LYZL1: variants seen among roughly 807,000 people sequenced by gnomAD.
The protein encoded by LYZL1 is lysozyme like 1.
Under a neutral mutation model 17.9 loss-of-function variants are expected in LYZL1, and 16 were observed. The ratio of observed to expected loss-of-function variants is 0.90; its 90% CI spans 0.61 to 1.36. The LOEUF is 1.36. Ranked by LOEUF, LYZL1 falls within the 40% of genes most tolerant of loss-of-function variation. The probability of loss-of-function intolerance (pLI) is 0.00; values close to 1 mark genes in which losing one functional copy is unlikely to be tolerated. For missense variants in LYZL1, 149 were observed against 188.4 expected (o/e 0.79, Z 1.22); for synonymous variants, 58 against 71.8 (o/e 0.81, Z 0.97).
At chr10:29,294,809 C>G (rs570128731) in intron 3 of LYZL1, among the ~76,000 whole-genome samples, 1 of 152,258 alleles carries the variant, frequency 6.6e-6, no homozygotes, top group South Asian at 2.1e-4. Flanking sequence ...GCAGATAATA[C>G]CTAACCCTGT....
chr10:29,309,062 C>T (rs1369499194), intron 3 of LYZL1, among the ~76,000 whole-genome samples: 3 of 151,696 alleles, frequency 2.0e-5, no homozygotes, highest in Non-Finnish European at 4.4e-5. Flanking sequence ...GGTGCGATGG[C>T]TCACACCTGT....
intron 2 of LYZL1, 115 bp downstream of exon 2, chr10:29,292,121 C>T (rs573455513): frequency 8.6e-6 from 12 of 1,399,096 alleles, no homozygotes; most frequent in South Asian, 1.4e-5. Context: ...CTGCCCTCAC[C>T]GCACTCAGGG....
intron 1 of LYZL1, among the ~76,000 whole-genome samples, chr10:29,291,593 T>A (rs1384268063): frequency 1.3e-5 from 2 of 151,988 alleles, no homozygotes; most frequent in Non-Finnish European, 2.9e-5. Context: ...TAAGGAGGGT[T>A]AATTTTTTTG....
downstream of LYZL1, among the ~76,000 whole-genome samples, chr10:29,313,897 TG>T (rs544054263): frequency 1.7e-4 from 26 of 152,338 alleles, no homozygotes; most frequent in East Asian, 5.0e-3. Context: ...GGATAGTGAT[TG>T]GCTTATGTGG....
chr10:29,299,690 G>A (rs117151518), intron 3 of LYZL1, among the ~76,000 whole-genome samples: 2,065 of 152,142 alleles, frequency 0.014, 28 homozygotes, highest in East Asian at 0.068. Flanking sequence ...CTTAACTCTG[G>A]TACTATTTCT....
intron 1 of LYZL1, among the ~76,000 whole-genome samples, chr10:29,289,983 A>G (rs1835339326): frequency 6.6e-6 from 1 of 152,146 alleles, no homozygotes. Context: ...CTTGCTATTC[A>G]CGTTTGTAAT....
At chr10:29,291,342 C>T (rs552539549) in intron 1 of LYZL1, among the ~76,000 whole-genome samples, 1 of 151,646 alleles carries the variant, frequency 6.6e-6, no homozygotes, top group South Asian at 2.1e-4. Context: ...GGGCTTCATC[C>T]TGGTTGTCTT....
chr10:29,311,032 G>C lies in LYZL1; in HGVS notation c.420G>C (p.Glu140Asp), dbSNP rs763519138. The C allele has an allele frequency of 1.9e-5, 30 of 1,614,034 alleles. No homozygotes were observed. Among genetic ancestry groups the C allele is most frequent in the South Asian group, 7.7e-5 (7 of 91,082 alleles). ...KKHCEGRDLSEWKKGCEVS is the reference protein window; with the variant it reads ...KKHCEGRDLSDWKKGCEVS ...ATTGTGAGGGCAGAGACCTGTCCGA[G>C]TGGAAAAAAGGCTGTGAGGTTTCCT... Residue 140 changes from glutamate to aspartate, a missense_variant, in exon 5 of 5, where the codon GAG (glutamate) becomes GAC (aspartate). Physicochemically the swap from Glu to Asp is conservative, Grantham distance 45 (BLOSUM62 2). Around this residue, in one of 2 missense-constraint regions of LYZL1, gnomAD observed 130 missense variants for 132.5 expected, o/e 0.98. Transcript: ENST00000649382.
rs1835667134 is a variant in LYZL1, at chr10:29,311,189, A to G, written c.*130A>G. 1 of 1,595,354 alleles carries G rather than the reference A, an allele frequency of 6.3e-7. No individual in the cohort carries two copies. The highest frequency in any genetic ancestry group is 1.4e-5 in the African/African-American group (1 of 73,688). On this transcript the variant is annotated 3_prime_UTR_variant, in exon 5 of 5. Transcript: ENST00000649382. The stretch of plus-strand genomic sequence containing the variant: ...AAACTTGGAGAGGGAAAATTAAGCT[A>G]TACTTTTAAGAAAATAAATATTTCC...
chr10:29,289,162 C>A lies in LYZL1; in HGVS notation c.-94C>A, dbSNP rs1323767501. The A allele has an allele frequency of 6.2e-7, 1 of 1,606,058 alleles. No homozygotes were observed. The highest frequency in any genetic ancestry group is 8.5e-7 in the Non-Finnish European group (1 of 1,175,460). ...GCTGCCTGTCACCGACTAAGTGGAG[C>A]AGTGTTTCTTCCGCAGACTCAACTG... On this transcript the variant is annotated 5_prime_UTR_variant, in exon 1 of 5. Transcript: ENST00000649382.
At chr10:29,306,634 G>GT (rs1308469833) in intron 3 of LYZL1, among the ~76,000 whole-genome samples, 3 of 149,306 alleles carry the variant, frequency 2.0e-5, no homozygotes, top group Non-Finnish European at 4.4e-5. Context: ...AAAATTCATA[G>GT]TTTTTTGAAT....
chr10:29,308,356 G>A (rs1235796563), intron 3 of LYZL1, among the ~76,000 whole-genome samples: 1 of 152,180 alleles, frequency 6.6e-6, no homozygotes, highest in East Asian at 1.9e-4. Context: ...CTCATGGCTG[G>A]GCTGCCCAAT....
chr10:29,291,712 T>C, intron 1 of LYZL1, 131 bp from the exon 2 acceptor site: 1 of 1,087,328 alleles, frequency 9.2e-7, no homozygotes. Context: ...AGTGGCCGGT[T>C]TTCCCTGATG....
chr10:29,296,234 T>C (rs1835444786), intron 3 of LYZL1, among the ~76,000 whole-genome samples: 1 of 151,902 alleles, frequency 6.6e-6, no homozygotes, highest in African/African-American at 2.4e-5. Context: ...GAGGAAACAA[T>C]ACCAAAACAT....
At position 29,292,541 on chromosome 10, in the gene LYZL1, G is replaced by A. The variant is rs771453721; in HGVS notation, c.162G>A (p.Glu54=). ...LGNWICMAYY[E]SGYNTTAQTV... ...CAGGGATCTGCATGGCATATTATGA[G>A]AGCGGCTACAACACCACAGCCCAGA... Residue 54 remains glutamate, a synonymous_variant, in exon 3 of 5, where the codon GAG becomes GAA. Coordinates refer to ENST00000649382, the MANE Select transcript of LYZL1 (RefSeq NM_032517.6). 4.3e-6 allele frequency: 7 copies of A among 1,614,198 alleles called. No homozygotes were observed. In the Admixed American group the frequency reaches 8.3e-5, roughly 19 times the overall value.
intron 1 of LYZL1, among the ~76,000 whole-genome samples, chr10:29,290,473 G>C (rs1835347579): frequency 6.6e-6 from 1 of 152,190 alleles, no homozygotes; most frequent in South Asian, 2.1e-4. Flanking sequence ...TCAGGTGCCA[G>C]ACTTTTAGGA....
At chr10:29,310,085 C>T in intron 3 of LYZL1, 25 bp from the exon 4 acceptor site, 1 of 1,569,694 alleles carries the variant, frequency 6.4e-7, no homozygotes. Context: ...TCTCGCCTAA[C>T]CCTGATGTCT....
Position 29,310,977 on chromosome 10 carries a change from C to T in LYZL1, c.378-13C>T. 1.2e-6 allele frequency: 2 copies of T among 1,614,206 alleles called. No homozygotes were observed. The highest frequency in any genetic ancestry group is 2.2e-5 in the East Asian group (1 of 44,878). The stretch of plus-strand genomic sequence containing the variant: ...GCTTCTTTCTGCTGCTCCTGCTTCC[C>T]TCTCATCCTCAGGCAAGGCTGGAAG... On this transcript the variant is annotated splice_polypyrimidine_tract_variant and intron_variant, in intron 4 of 4. Coordinates refer to ENST00000649382, the MANE Select transcript of LYZL1 (RefSeq NM_032517.6).
At chr10:29,294,620 T>G (rs1480194162) in intron 3 of LYZL1, among the ~76,000 whole-genome samples, 3 of 152,214 alleles carry the variant, frequency 2.0e-5, no homozygotes, top group African/African-American at 7.2e-5. Flanking sequence ...CAATAAATGT[T>G]TATTGAATAA....
Sources: gnomAD v4.1 joint callset for allele counts (sites outside exome capture counted in the v4.1 genomes callset) on GRCh38, gnomAD v4.1.1 for gene constraint, gnomAD v4.1.1 regional missense constraint, MANE v1.5 for transcripts, NCBI Gene and HGNC (gene_info 2026-07-23, HGNC 2026-07-21) for gene names.